The following ZIM3 variants were observed in gnomAD, a reference collection of about 807,000 sequenced individuals.
ZIM3 encodes zinc finger protein 657.
A neutral mutation model predicts 12.9 loss-of-function variants in ZIM3; 11 were observed. That is an observed-to-expected ratio of 0.85 (90% confidence interval 0.54 to 1.41). The LOEUF is 1.41. ZIM3 is among the 40% of genes most tolerant of loss of function. The pLI is 0.00. For missense variants in ZIM3, 604 were observed against 557.2 expected (o/e 1.08, Z -0.85); for synonymous variants, 205 against 198.5 (o/e 1.03, Z -0.28).
intron 2 of ZIM3, 100 bp downstream of exon 2, chr19:57,142,529 G>A (rs2086918090): frequency 7.7e-7 from 1 of 1,306,924 alleles, no homozygotes; most frequent in Non-Finnish European, 1.1e-6. Context: ...GAAGGAAGGA[G>A]GAAAATATGC....
At chr19:57,140,830 A>G (rs1020733976) in intron 2 of ZIM3, among the ~76,000 whole-genome samples, 1 of 152,182 alleles carries the variant, frequency 6.6e-6, no homozygotes, top group African/African-American at 2.4e-5. Flanking sequence ...TAACAATTGC[A>G]AAGAAACTAC....
Position 57,135,179 on chromosome 19 carries a change from A to C in ZIM3, c.1158T>G (p.Thr386=), listed in dbSNP as rs1330685223. Residue 386 remains threonine, a synonymous_variant, in exon 5 of 5, where the codon ACT becomes ACG. Coordinates refer to ENST00000269834, the MANE Select transcript of ZIM3 (RefSeq NM_052882.1). ...KNLIQHKKIH[T]GEKPYECNRC... is the part of the protein sequence containing the mutation. ...TGTTACATTCATAGGGCTTTTCCCC[A>C]GTATGGATTTTTTTATGTTGAATGA... 2 of 1,613,922 alleles carry C rather than the reference A, an allele frequency of 1.2e-6. No individual in the cohort carries two copies. Among genetic ancestry groups the C allele is most frequent in the Non-Finnish European group, 1.7e-6 (2 of 1,179,918 alleles).
At chr19:57,138,173 T>C (rs540904877) in intron 3 of ZIM3, among the ~76,000 whole-genome samples, 3 of 152,026 alleles carry the variant, frequency 2.0e-5, no homozygotes, top group African/African-American at 7.2e-5. Context: ...CTTTTTCTTC[T>C]TGGAGGATAA....
At position 57,135,781 on chromosome 19, in the gene ZIM3, GGTGACTTTGAAGGC is replaced by G. The variant is rs1309352062; in HGVS notation, c.542_555del (p.Arg181ProfsTer11). ...GGTTTTTGACAGGCATGCCTCCTCA[GGTGACTTTGAAGGC>G]GTGACTTTGAACTGAATAACTTTCT... On this transcript the variant is annotated frameshift_variant, in exon 5 of 5. Transcript: ENST00000269834. LOFTEE classifies it low-confidence loss of function (END_TRUNC). The G allele has an allele frequency of 5.0e-6, 8 of 1,613,904 alleles. No individual in the cohort carries two copies. Among genetic ancestry groups the G allele is most frequent in the Non-Finnish European group, 6.8e-6 (8 of 1,180,032 alleles).
Position 57,135,772 on chromosome 19 carries a change from G to T in ZIM3, c.565C>A (p.His189Asn), listed in dbSNP as rs1387300246. Residue 189 changes from histidine (H) to asparagine (N), a missense_variant, in exon 5 of 5, where the codon CAT becomes AAT. Transcript: ENST00000269834. ...CATTCAAAGGGTTTTTGACAGGCAT[G>T]CCTCCTCAGGTGACTTTGAAGGCGT... is the stretch of plus-strand genomic sequence containing the variant. ...KSRLQSHLRR[H>N]ACQKPFECHS... The T allele has an allele frequency of 2.5e-6, 4 of 1,614,072 alleles. No individual in the cohort carries two copies. Among genetic ancestry groups the T allele is most frequent in the South Asian group, 1.1e-5 (1 of 91,080 alleles).
intron 1 of ZIM3, among the ~76,000 whole-genome samples, chr19:57,144,487 A>G (rs923731330): frequency 2.0e-5 from 3 of 152,194 alleles, no homozygotes; most frequent in Non-Finnish European, 4.4e-5. Context: ...GTAAATTGTA[A>G]ATGCTTTCAC....
intron 3 of ZIM3, among the ~76,000 whole-genome samples, chr19:57,137,579 G>A (rs1279234854): frequency 6.6e-6 from 1 of 151,926 alleles, no homozygotes; most frequent in African/African-American, 2.4e-5. Context: ...CAGGCATGGT[G>A]GTGCACGTCT....
intron 2 of ZIM3, among the ~76,000 whole-genome samples, chr19:57,141,398 CAAAAAAA>C (rs66633580): frequency 0.028 from 2,921 of 105,550 alleles, 118 homozygotes; most frequent in African/African-American, 0.1. Flanking sequence ...GAGACTGTCT[CAAAAAAA>C]AAAAAAAAAA....
chr19:57,135,590 T>C lies in ZIM3; in HGVS notation c.747A>G (p.Lys249=), dbSNP rs1238779229. 6.8e-6 allele frequency: 11 copies of C among 1,614,048 alleles called. No homozygotes were observed. Among genetic ancestry groups the C allele is most frequent in the Non-Finnish European group, 9.3e-6 (11 of 1,179,998 alleles). The change falls in exon 5 of 5, where the codon AAA becomes AAG. Residue 249 remains lysine, a synonymous_variant. Transcript: ENST00000269834. The part of the protein sequence containing the change: ...FQHQKMHTKE[K]PYQCKTCGKA... ...TTCCACATGTCTTACACTGATAGGG[T>C]TTCTCTTTAGTATGCATTTTCTGAT... is the stretch of plus-strand genomic sequence containing the variant.
intron 2 of ZIM3, among the ~76,000 whole-genome samples, chr19:57,139,604 T>C (rs1331263634): frequency 1.3e-5 from 2 of 151,822 alleles, no homozygotes; most frequent in East Asian, 3.9e-4. Context: ...TGCGCGCCTG[T>C]AATCCCAGCT....
intron 3 of ZIM3, among the ~76,000 whole-genome samples, chr19:57,137,422 T>G (rs1599922082): frequency 6.6e-6 from 1 of 151,766 alleles, no homozygotes; most frequent in Non-Finnish European, 1.5e-5. Context: ...CAGGTCAATG[T>G]TGCAGTGACG....
intron 1 of ZIM3, among the ~76,000 whole-genome samples, chr19:57,144,623 T>C (rs1426778014): frequency 1.3e-5 from 2 of 152,162 alleles, no homozygotes; most frequent in Non-Finnish European, 2.9e-5. Flanking sequence ...TAGAAGTAGC[T>C]GTGGGCCAGC....
At chr19:57,139,284 C>A (rs899281060) in intron 2 of ZIM3, among the ~76,000 whole-genome samples, 1 of 150,592 alleles carries the variant, frequency 6.6e-6, no homozygotes, top group Non-Finnish European at 1.5e-5. Context: ...GCCAAGATTG[C>A]GCCACTGCAC....
chr19:57,143,643 AAGGTGGGAGGATCAGTTGAGCCC>A, intron 1 of ZIM3, among the ~76,000 whole-genome samples: 1 of 151,154 alleles, frequency 6.6e-6, no homozygotes, highest in African/African-American at 2.4e-5. Flanking sequence ...TTGGAAAGCC[AAGGTGGGAGGATCAGTTGAGCCC>A]AGGAGTTACT....
rs141519115 is a variant in ZIM3 at position 57,134,974 on chromosome 19, C to T, written c.1363G>A (p.Ala455Thr). 1.2e-5 allele frequency: 20 copies of T among 1,614,024 alleles called. No individual in the cohort carries two copies. The South Asian group carries it at 1.8e-4, about 14-fold the overall frequency. ...KPYGCSECGK[A>T]FADRSYLVRH... Reference sequence around the variant, plus strand: ...ACAAGGTATGACCTGTCAGCGAAGGCTTTACCGCATTCAGAACATCCATAA... The same window carrying T: ...ACAAGGTATGACCTGTCAGCGAAGGTTTTACCGCATTCAGAACATCCATAA... Residue 455 changes from alanine to threonine, a missense_variant, in exon 5 of 5, where the codon GCC (alanine) becomes ACC (threonine). Coordinates refer to ENST00000269834, the MANE Select transcript of ZIM3 (RefSeq NM_052882.1).
At chr19:57,142,867 G>GTGTT (rs1290454192) in intron 1 of ZIM3, among the ~76,000 whole-genome samples, 182 bp from the exon 2 acceptor site, 3 of 150,138 alleles carry the variant, frequency 2.0e-5, no homozygotes, top group Non-Finnish European at 4.4e-5. Context: ...TGGTTTTTTT[G>GTGTT]TGTTTGTTTA....
chr19:57,136,670 A>G lies in ZIM3; in HGVS notation c.241+203T>C, dbSNP rs956988481. Among the ~76,000 whole-genome samples the G allele has an allele frequency of 1.0e-4, 8 of 78,000 alleles. No homozygotes were observed. The East Asian group carries it at 7.1e-3, about 70-fold the overall frequency. 51.2% of individuals were successfully genotyped at this position (78,000 alleles called of 152,430 possible). On this transcript the variant is annotated intron_variant, in intron 4 of 4. Transcript: ENST00000269834. ...CAGAGACTCCGTTTCCAGAAAAAAA[A>G]AAAAAAGAAAAAAAAAAGAGTTTGC...
intron 2 of ZIM3, 26 bp downstream of exon 2, chr19:57,142,600 TGAG>T: frequency 2.5e-6 from 4 of 1,607,100 alleles, no homozygotes; most frequent in Non-Finnish European, 3.4e-6. Context: ...TTATTCATTA[TGAG>T]ATTTAGATTT....
At position 57,142,649 on chromosome 19, in the gene ZIM3, G is replaced by T. The variant is rs374962216; in HGVS notation, c.-6C>A. 8.6e-5 allele frequency: 138 copies of T among 1,613,350 alleles called. 1 individual carries two copies. The highest frequency in any genetic ancestry group is 1.1e-4 in the Non-Finnish European group (133 of 1,179,636). On this transcript the variant is annotated 5_prime_UTR_variant, in exon 2 of 5. Transcript: ENST00000269834. ...CTCACCTGGGAATTGTTCATTTCCT[G>T]TTCTTCACCAGTCAGTAAAGTCTTG...
Sources: allele counts gnomAD v4.1 joint callset (sites outside exome capture counted in the v4.1 genomes callset), GRCh38; gene constraint gnomAD v4.1.1; transcripts MANE v1.5; gene names NCBI Gene and HGNC (gene_info 2026-07-23, HGNC 2026-07-21).